The following SOAT1 variants were observed in gnomAD, a reference collection of about 807,000 sequenced individuals.
The protein encoded by SOAT1 is sterol O-acyltransferase 1, also known as acyl-coenzyme A:cholesterol acyltransferase 1.
SOAT1 carries 55 observed loss-of-function variants against 69.5 expected under a neutral mutation model. The ratio of observed to expected loss-of-function variants is 0.79; its 90% confidence interval spans 0.64 to 0.99. SOAT1 has a LOEUF of 0.99. Ranked by LOEUF, SOAT1 falls within the 50% of genes least tolerant of loss-of-function variation. The pLI is 0.00. For missense variants in SOAT1, 580 were observed against 669.3 expected (o/e 0.87, Z 1.47); for synonymous variants, 231 against 224.7 (o/e 1.03, Z -0.25).
chr1:179,348,575 G>A lies in SOAT1; in HGVS notation c.1216-269G>A, dbSNP rs75676764. ...AGATTTAAATGATTCTATGTGTTCC[G>A]TATGAACCTAGGAACTAAATCATAT... On this transcript the variant is annotated intron_variant, in intron 12 of 15. Transcript: ENST00000367619. Among the ~76,000 whole-genome samples the A allele has an allele frequency of 8.7e-3, 1,321 of 152,206 alleles. 41 individuals are homozygous for A. Among genetic ancestry groups the A allele is most frequent in the Admixed American group, 0.056 (855 of 15,282 alleles).
intron 2 of SOAT1, among the ~76,000 whole-genome samples, chr1:179,316,087 A>T (rs1665382140): frequency 6.6e-6 from 1 of 152,030 alleles, no homozygotes; most frequent in South Asian, 2.1e-4. Context: ...TTTTGTCCGG[A>T]TTTATTGCAT....
chr1:179,341,144 A>C lies in SOAT1; in HGVS notation c.614A>C (p.His205Pro). The change falls in exon 7 of 16, where the codon CAT becomes CCT. Residue 205 changes from histidine (H) to proline (P), a missense_variant. By Grantham distance (77) the His-to-Pro change is moderately conservative. Coordinates refer to ENST00000367619, the MANE Select transcript of SOAT1 (RefSeq NM_003101.6). The stretch of plus-strand genomic sequence containing the variant: ...TCAGTTCCCTATTTTCTGTTTCAAC[A>C]TTGGGCCACTGGCTATAGCAAGAGT... Reference protein sequence around the residue: ...TFSVPYFLFQHWATGYSKSSH... With the variant: ...TFSVPYFLFQPWATGYSKSSH... 1 of 1,614,020 alleles carries C rather than the reference A, an allele frequency of 6.2e-7. No individual in the cohort carries two copies.
chr1:179,331,140 T>C (rs560603329), intron 3 of SOAT1, among the ~76,000 whole-genome samples: 1 of 152,366 alleles, frequency 6.6e-6, no homozygotes, highest in African/African-American at 2.4e-5. Flanking sequence ...TTTTCCTTTC[T>C]GCCTTTTCTC....
chr1:179,353,517 G>T, intron 15 of SOAT1, 68 bp from the exon 16 acceptor site: 1 of 1,337,038 alleles, frequency 7.5e-7, no homozygotes, highest in Non-Finnish European at 1.1e-6. Context: ...TAACATCCCT[G>T]CCTATCTCCA....
rs1290908027 is a variant in SOAT1 at position 179,356,232 on chromosome 1, A to G, written c.*2591A>G. 3 of 152,214 alleles carry G rather than the reference A, an allele frequency of 2.0e-5. No individual in the cohort carries two copies. Among genetic ancestry groups the G allele is most frequent in the African/African-American group, 7.2e-5 (3 of 41,466 alleles). 9.4% of individuals were successfully genotyped at this position (152,214 alleles called of 1,614,324 possible). On this transcript the variant is annotated 3_prime_UTR_variant, in exon 16 of 16. Transcript: ENST00000367619. ...TGATAGTAACTATTATTTTGGGCAT[A>G]TTAACCAACAGAACAATTATGTAGT...
At chr1:179,321,750 G>C (rs185445777) in intron 2 of SOAT1, among the ~76,000 whole-genome samples, 1 of 152,144 alleles carries the variant, frequency 6.6e-6, no homozygotes, top group African/African-American at 2.4e-5. Context: ...CTTCAGACAT[G>C]TTTAATCTAC....
intron 2 of SOAT1, among the ~76,000 whole-genome samples, chr1:179,318,016 C>A (rs1296569729): frequency 1.3e-5 from 2 of 151,860 alleles, no homozygotes; most frequent in African/African-American, 4.8e-5. Flanking sequence ...CATAGTGAGA[C>A]CTTGTCTCTA....
intron 2 of SOAT1, among the ~76,000 whole-genome samples, chr1:179,322,683 T>C (rs922320085): frequency 6.6e-6 from 1 of 152,202 alleles, no homozygotes; most frequent in Admixed American, 6.5e-5. Flanking sequence ...TCAGACCACA[T>C]AGATAGTGTG....
chr1:179,323,416 C>T (rs754287119), intron 2 of SOAT1, 21 bp from the exon 3 acceptor site: 1 of 1,610,348 alleles, frequency 6.2e-7, no homozygotes, highest in South Asian at 1.1e-5. Flanking sequence ...ACTTAAAAGT[C>T]ATGTTTTTTT....
At chr1:179,329,253 C>T (rs1382226736) in intron 3 of SOAT1, among the ~76,000 whole-genome samples, 25 of 151,894 alleles carry the variant, frequency 1.6e-4, no homozygotes, top group African/African-American at 5.1e-4. Context: ...GCAGGAGAAT[C>T]GCTTGAACCC....
chr1:179,313,066 T>C (rs1405563926), intron 2 of SOAT1, among the ~76,000 whole-genome samples: 1 of 152,234 alleles, frequency 6.6e-6, no homozygotes, highest in Non-Finnish European at 1.5e-5. Context: ...GTGTTCACCA[T>C]GGCTGTGTTA....
intron 2 of SOAT1, among the ~76,000 whole-genome samples, chr1:179,306,158 G>C (rs1478151704): frequency 6.6e-6 from 1 of 152,132 alleles, no homozygotes; most frequent in Non-Finnish European, 1.5e-5. Context: ...ATTTGTGGTT[G>C]GTTTTCATGG....
intron 9 of SOAT1, among the ~76,000 whole-genome samples, chr1:179,343,212 ATTTT>A (rs1157920439): frequency 1.3e-5 from 2 of 151,694 alleles, no homozygotes; most frequent in Non-Finnish European, 2.9e-5. Flanking sequence ...TTTTTAATTT[ATTTT>A]TTATTAATTA....
At chr1:179,300,983 C>G (rs1664813849) in intron 1 of SOAT1, among the ~76,000 whole-genome samples, 1 of 152,150 alleles carries the variant, frequency 6.6e-6, no homozygotes, top group Admixed American at 6.5e-5. Flanking sequence ...TAATCTCAGC[C>G]ACTCGGGAGG....
At chr1:179,342,387 G>C in intron 8 of SOAT1, among the ~76,000 whole-genome samples, 195 bp downstream of exon 8, 1 of 147,450 alleles carries the variant, frequency 6.8e-6, no homozygotes, top group East Asian at 2.0e-4. Flanking sequence ...AGGATTATTG[G>C]CTGGATATTT....
At chr1:179,305,207 G>T (rs1162159742) in intron 2 of SOAT1, among the ~76,000 whole-genome samples, 1 of 152,108 alleles carries the variant, frequency 6.6e-6, no homozygotes, top group Non-Finnish European at 1.5e-5. Context: ...TGTGGCCTTT[G>T]TGTGTGGCTG....
At chr1:179,338,070 TTTC>T (rs754076479) in intron 5 of SOAT1, among the ~76,000 whole-genome samples, 174 bp downstream of exon 5, 189 of 152,246 alleles carry the variant, frequency 1.2e-3, no homozygotes, top group Non-Finnish European at 1.9e-3. Flanking sequence ...CTGTATCTAG[TTTC>T]AAAAGAGGAG....
At chr1:179,310,713 A>T (rs940481906) in intron 2 of SOAT1, among the ~76,000 whole-genome samples, 1 of 152,248 alleles carries the variant, frequency 6.6e-6, no homozygotes, top group Admixed American at 6.5e-5. Flanking sequence ...TGTAGGTATT[A>T]TAAGACACGG....
chr1:179,305,218 C>T (rs1387743882), intron 2 of SOAT1, among the ~76,000 whole-genome samples: 6 of 152,182 alleles, frequency 3.9e-5, no homozygotes, highest in Admixed American at 6.5e-5. Context: ...TGTGTGGCTG[C>T]TTGCACTTAG....
Sources: gnomAD v4.1 joint callset for allele counts (sites outside exome capture counted in the v4.1 genomes callset) on GRCh38, gnomAD v4.1.1 for gene constraint, MANE v1.5 for transcripts, NCBI Gene and HGNC (gene_info 2026-07-23, HGNC 2026-07-21) for gene names.